TRAM2: variants seen among roughly 807,000 people sequenced by gnomAD.
TRAM2 encodes the protein translocation associated membrane protein 2.
In TRAM2, 12 loss-of-function variants were observed where a neutral mutation model predicts 51.0. The ratio of observed to expected loss-of-function variants is 0.24; its 90% CI spans 0.15 to 0.38. The LOEUF is 0.38. TRAM2 is among the 10% of genes least tolerant of loss of function. The probability of loss-of-function intolerance (pLI) is 1.00; values close to 1 mark genes in which losing one functional copy is unlikely to be tolerated. For synonymous variants in TRAM2, 175 were observed against 179.4 expected (o/e 0.98, Z 0.20); for missense variants, 361 against 462.0 (o/e 0.78, Z 2.00).
chr6:52,574,145 A>C (rs1043764621), intron 1 of TRAM2, among the ~76,000 whole-genome samples: 1 of 152,064 alleles, frequency 6.6e-6, no homozygotes, highest in African/African-American at 2.4e-5. Flanking sequence ...ACATACCCAC[A>C]CATGCACACC....
chr6:52,500,006 C>A lies in TRAM2; in HGVS notation c.*3191G>T. 1 of 152,324 alleles carries A rather than the reference C, an allele frequency of 6.6e-6. No individual in the cohort carries two copies. 9.4% of individuals were successfully genotyped at this position (152,324 alleles called of 1,614,324 possible). A position where few individuals can be genotyped will look rare whatever the true frequency, so the allele number is the denominator to read the frequency against. On this transcript the variant is annotated 3_prime_UTR_variant, in exon 11 of 11. Coordinates refer to ENST00000182527, the MANE Select transcript of TRAM2 (RefSeq NM_012288.4). ...AATAACTCCCATCATCACTGCACCT[C>A]CAAGGAGGGGAGCGGGTAGCACAGA...
chr6:52,547,818 T>C (rs924215051), intron 1 of TRAM2, among the ~76,000 whole-genome samples: 1 of 152,078 alleles, frequency 6.6e-6, no homozygotes, highest in Admixed American at 6.5e-5. Flanking sequence ...ACTGACAGAG[T>C]TCAGAATCAG....
At chr6:52,512,713 C>G (rs1766472310) in intron 4 of TRAM2, among the ~76,000 whole-genome samples, 1 of 152,184 alleles carries the variant, frequency 6.6e-6, no homozygotes, top group African/African-American at 2.4e-5. Flanking sequence ...TCCTGTTTCC[C>G]CAGCAGCCTT....
chr6:52,500,012 A>AGG lies in TRAM2; in HGVS notation c.*3183_*3184dup, dbSNP rs1430768033. 2.0e-5 allele frequency: 3 copies of AGG among 152,172 alleles called. No homozygotes were observed. Among genetic ancestry groups the AGG allele is most frequent in the South Asian group, 2.1e-4 (1 of 4,826 alleles). The allele number at this position is 152,172 out of a possible 1,614,324, so 9.4% of individuals were successfully genotyped here. The stretch of plus-strand genomic sequence containing the variant: ...TCCCATCATCACTGCACCTCCAAGG[A>AGG]GGGGAGCGGGTAGCACAGATCCTTG... On this transcript the variant is annotated 3_prime_UTR_variant, in exon 11 of 11. Coordinates refer to ENST00000182527, the MANE Select transcript of TRAM2 (RefSeq NM_012288.4).
At chr6:52,504,874 T>A in intron 9 of TRAM2, 120 bp from the exon 10 acceptor site, 1 of 842,748 alleles carries the variant, frequency 1.2e-6, no homozygotes, top group Admixed American at 2.5e-5. Context: ...CACGTCCGCC[T>A]TCACCACTGG....
intron 3 of TRAM2, 105 bp downstream of exon 3, chr6:52,516,523 T>C: frequency 1.1e-6 from 1 of 942,622 alleles, no homozygotes; most frequent in Non-Finnish European, 1.7e-6. Context: ...TGCAAGCAAG[T>C]TGGAGGATGA....
rs1554263066 is a variant in TRAM2, at chr6:52,500,533, T to TTTG, written c.*2663_*2664insCAA. 1 of 150,146 alleles carries TTTG rather than the reference T, an allele frequency of 6.7e-6. No individual in the cohort carries two copies. The highest frequency in any genetic ancestry group is 2.5e-5 in the African/African-American group (1 of 40,748). 9.3% of individuals were successfully genotyped at this position (150,146 alleles called of 1,614,324 possible). ...TGGTCTCAGGGTTTTTTTTTGTTTT[T>TTTG]TTTTTTTTTTTTACATAAAATAAAC... On this transcript the variant is annotated 3_prime_UTR_variant, in exon 11 of 11. Coordinates refer to ENST00000182527, the MANE Select transcript of TRAM2 (RefSeq NM_012288.4).
chr6:52,559,695 C>T (rs1052375430), intron 1 of TRAM2, among the ~76,000 whole-genome samples: 4 of 152,236 alleles, frequency 2.6e-5, no homozygotes, highest in African/African-American at 9.6e-5. Context: ...AAGTCCCATT[C>T]TTCATGAAGA....
At chr6:52,532,539 A>C (rs1483787534) in intron 2 of TRAM2, among the ~76,000 whole-genome samples, 1 of 152,250 alleles carries the variant, frequency 6.6e-6, no homozygotes, top group Non-Finnish European at 1.5e-5. Flanking sequence ...CAATACATAC[A>C]TAAAACCTTT....
At chr6:52,551,187 G>A (rs1396122833) in intron 1 of TRAM2, among the ~76,000 whole-genome samples, 1 of 152,178 alleles carries the variant, frequency 6.6e-6, no homozygotes, top group Non-Finnish European at 1.5e-5. Context: ...TCAGGCTGCA[G>A]TGACAAATAT....
chr6:52,560,116 G>A (rs1224020926), intron 1 of TRAM2, among the ~76,000 whole-genome samples: 3 of 152,004 alleles, frequency 2.0e-5, no homozygotes, highest in Non-Finnish European at 2.9e-5. Flanking sequence ...GGTGGTGGGC[G>A]CCTGTAATCC....
At chr6:52,518,446 T>A (rs1213541167) in intron 2 of TRAM2, among the ~76,000 whole-genome samples, 1 of 152,198 alleles carries the variant, frequency 6.6e-6, no homozygotes, top group African/African-American at 2.4e-5. Context: ...AGAATTCAAA[T>A]TAAACAGGAA....
At chr6:52,526,399 C>T (rs1766782945) in intron 2 of TRAM2, among the ~76,000 whole-genome samples, 1 of 152,032 alleles carries the variant, frequency 6.6e-6, no homozygotes, top group South Asian at 2.1e-4. Flanking sequence ...CAGGTTTCTG[C>T]ATTGCTTTTT....
intron 1 of TRAM2, among the ~76,000 whole-genome samples, chr6:52,573,076 T>G (rs915147543): frequency 5.3e-5 from 8 of 152,130 alleles, no homozygotes; most frequent in African/African-American, 1.9e-4. Flanking sequence ...GTAAATGAGC[T>G]TAAAAAAAAA....
At chr6:52,549,325 T>C (rs571130681) in intron 1 of TRAM2, among the ~76,000 whole-genome samples, 1 of 150,190 alleles carries the variant, frequency 6.7e-6, no homozygotes, top group South Asian at 2.2e-4. Context: ...TCTCCTGAGT[T>C]CATCAGTGGG....
intron 1 of TRAM2, among the ~76,000 whole-genome samples, chr6:52,546,480 G>A (rs1436193058): frequency 6.6e-6 from 1 of 152,176 alleles, no homozygotes; most frequent in Non-Finnish European, 1.5e-5. Context: ...TTAGGTTACT[G>A]CAAGAAGAGA....
At chr6:52,539,965 T>C (rs1021246517) in intron 1 of TRAM2, among the ~76,000 whole-genome samples, 2 of 152,112 alleles carry the variant, frequency 1.3e-5, no homozygotes, top group African/African-American at 4.8e-5. Flanking sequence ...TAACATGTTT[T>C]CTGAACATGA....
At chr6:52,548,318 G>T (rs1767246297) in intron 1 of TRAM2, among the ~76,000 whole-genome samples, 1 of 152,208 alleles carries the variant, frequency 6.6e-6, no homozygotes, top group Admixed American at 6.5e-5. Context: ...TGCAAGCCAG[G>T]CAAGGTAAAG....
chr6:52,537,728 C>T (rs1175176497), intron 1 of TRAM2, among the ~76,000 whole-genome samples: 2 of 25,846 alleles, frequency 7.7e-5, no homozygotes, highest in East Asian at 5.7e-3. Flanking sequence ...CTGTGCCGTC[C>T]CGTTCCCATT....
Sources: allele counts gnomAD v4.1 joint callset (sites outside exome capture counted in the v4.1 genomes callset), GRCh38; gene constraint gnomAD v4.1.1; transcripts MANE v1.5; gene names NCBI Gene and HGNC (gene_info 2026-07-23, HGNC 2026-07-21).